SREBF1: variants seen among roughly 807,000 people sequenced by gnomAD.
SREBF1 encodes the protein sterol regulatory element binding transcription factor 1.
SREBF1 carries 45 observed loss-of-function variants against 100.1 expected under a neutral mutation model. That is an observed-to-expected ratio of 0.45 (90% CI 0.35 to 0.58). The LOEUF is 0.58. Ranked by LOEUF, SREBF1 falls within the 20% of genes least tolerant of loss-of-function variation. The pLI is 0.00. For synonymous variants in SREBF1, 657 were observed against 681.8 expected (o/e 0.96, Z 0.57); for missense variants, 1,324 against 1,539.4 (o/e 0.86, Z 2.34).
chr17:17,829,203 AAAATATATATAT>A lies in SREBF1; in HGVS notation c.91+7512_91+7523del, dbSNP rs1428562157. Among the ~76,000 whole-genome samples, 2 of 36,126 alleles carry A rather than the reference AAAATATATATAT, an allele frequency of 5.5e-5. 1 individual carries two copies. Among genetic ancestry groups the A allele is most frequent in the African/African-American group, 2.2e-4 (2 of 9,036 alleles). The allele number at this position is 36,126 out of a possible 152,430, so 23.7% of individuals were successfully genotyped here. ...CGAGACTCCATCTTAAAAAAAAAAAAAAATATATATATATATATATATATATATATATGTATA... is the reference window on the plus strand; with the variant it reads ...CGAGACTCCATCTTAAAAAAAAAAAAATATATATATATATATATATGTATA... On this transcript the variant is annotated intron_variant, in intron 1 of 18. Coordinates refer to ENST00000261646, the MANE Select transcript of SREBF1 (RefSeq NM_004176.5).
chr17:17,819,549 G>T lies in SREBF1; in HGVS notation c.700C>A (p.Gln234Lys). Reference protein sequence around the residue: ...PVTTTVTSQIQQVPVLLQPHF... With the variant: ...PVTTTVTSQIKQVPVLLQPHF... ...CCAGACCCCCTCACCGGGACCTGCTGGATCTGCGAGGTCACAGTGGTCGTT... is the reference window on the plus strand; with the variant it reads ...CCAGACCCCCTCACCGGGACCTGCTTGATCTGCGAGGTCACAGTGGTCGTT... The change falls in exon 3 of 19, where the codon CAG becomes AAG. Residue 234 changes from glutamine to lysine, a missense_variant. By Grantham distance (53) the Gln-to-Lys change is moderately conservative. Coordinates refer to ENST00000261646, the MANE Select transcript of SREBF1 (RefSeq NM_004176.5). 3.7e-6 allele frequency: 6 copies of T among 1,613,708 alleles called. No individual in the cohort carries two copies. Among genetic ancestry groups the T allele is most frequent in the Non-Finnish European group, 4.2e-6 (5 of 1,179,984 alleles).
chr17:17,825,425 G>A (rs2143021906), intron 1 of SREBF1, among the ~76,000 whole-genome samples: 1 of 152,128 alleles, frequency 6.6e-6, no homozygotes, highest in South Asian at 2.1e-4. Flanking sequence ...CTTCCAAGAG[G>A]AGGGGGTGTG....
intron 18 of SREBF1, chr17:17,813,079 C>G (rs1377418082): frequency 1.7e-6 from 1 of 603,316 alleles, no homozygotes; most frequent in African/African-American, 1.9e-5. Flanking sequence ...AGTCACCCCA[C>G]TGATTCCTTG....
chr17:17,817,576 G>A lies in SREBF1; in HGVS notation c.1405-119C>T, dbSNP rs1272158408. 2.0e-6 allele frequency: 3 copies of A among 1,528,190 alleles called. No individual in the cohort carries two copies. Among genetic ancestry groups the A allele is most frequent in the Non-Finnish European group, 2.7e-6 (3 of 1,121,092 alleles). 94.7% of individuals were successfully genotyped at this position (1,528,190 alleles called of 1,614,324 possible). A position where few individuals can be genotyped will look rare whatever the true frequency, so the allele number is the denominator to read the frequency against. ...ACTGTGGGACCCCACGTGGCTCCAG[G>A]CCTCAGTTATTCTGTCTATGAAATG... is the stretch of plus-strand genomic sequence containing the variant. On this transcript the variant is annotated intron_variant, in intron 7 of 18. Transcript: ENST00000261646. This position sits in a 1 kb window ranked among gnomAD's most constrained non-coding sequence, Gnocchi z 6.6.
chr17:17,817,009 G>A lies in SREBF1; in HGVS notation c.1734C>T (p.Pro578=), dbSNP rs142128892. 1.1e-4 allele frequency: 181 copies of A among 1,612,990 alleles called. 1 individual carries two copies. Among genetic ancestry groups the A allele is most frequent in the Middle Eastern group, 1.6e-4 (1 of 6,084 alleles). ...TGCGATGCCTCCAGAAGTACACGGCGGGGCCTGAGTGGGGCCGTGTGACTG... is the reference window on the plus strand; with the variant it reads ...TGCGATGCCTCCAGAAGTACACGGCAGGGCCTGAGTGGGGCCGTGTGACTG... ...GEPVTRPHSG[P]AVYFWRHRKQ... Residue 578 remains proline (P), a synonymous_variant, in exon 9 of 19, where the codon CCC becomes CCT. Transcript: ENST00000261646. This position sits in a 1 kb window ranked among gnomAD's most constrained non-coding sequence, Gnocchi z 6.6.
chr17:17,816,820 C>T, intron 9 of SREBF1, 102 bp from the exon 10 acceptor site: 1 of 1,578,442 alleles, frequency 6.3e-7, no homozygotes, highest in South Asian at 1.1e-5. Context: ...TGGTGGGGGT[C>T]TGCGGATGCG....
At chr17:17,828,464 A>T (rs2034626090) in intron 1 of SREBF1, among the ~76,000 whole-genome samples, 1 of 152,224 alleles carries the variant, frequency 6.6e-6, no homozygotes, top group African/African-American at 2.4e-5. Context: ...CGAGATGGCA[A>T]TTACATGTGA....
chr17:17,814,469 G>GC, intron 15 of SREBF1, 59 bp from the exon 16 acceptor site: 1 of 1,544,238 alleles, frequency 6.5e-7, no homozygotes. Context: ...CTGGCTGAGT[G>GC]CCCCCCACTT....
rs993722224 is a variant in SREBF1 at position 17,815,252 on chromosome 17, T to C, written c.2461A>G (p.Asn821Asp). 1.9e-6 allele frequency: 3 copies of C among 1,613,686 alleles called. No individual in the cohort carries two copies. The highest frequency in any genetic ancestry group is 2.5e-6 in the Non-Finnish European group (3 of 1,180,008). The change falls in exon 13 of 19, where the codon AAC becomes GAC. Residue 821 changes from asparagine to aspartate, a missense_variant. Coordinates refer to ENST00000261646, the MANE Select transcript of SREBF1 (RefSeq NM_004176.5). Reference protein sequence around the residue: ...ERALNCVTQPNPSPGSADGDK... With the variant: ...ERALNCVTQPDPSPGSADGDK... ...CCATCAGCTGACCCAGGGCTGGGGT[T>C]GGGCTGGGTCACACAGTTCAGTGCT...
chr17:17,830,695 C>T (rs1338968280), intron 1 of SREBF1, among the ~76,000 whole-genome samples: 2 of 152,218 alleles, frequency 1.3e-5, no homozygotes, highest in African/African-American at 4.8e-5. Flanking sequence ...GATGGACCCC[C>T]AGCCCCGTCC....
chr17:17,836,908 G>C lies in SREBF1; in HGVS notation c.-91C>G. ...GCCGCCGCGGCCCCGGCTCTCAGTCGCCGCCGCCGCTCCGCGCGTTCGTGT... is the reference window on the plus strand; with the variant it reads ...GCCGCCGCGGCCCCGGCTCTCAGTCCCCGCCGCCGCTCCGCGCGTTCGTGT... On this transcript the variant is annotated 5_prime_UTR_variant, in exon 1 of 19. Transcript: ENST00000261646. The C allele has an allele frequency of 2.5e-6, 3 of 1,202,704 alleles. No individual in the cohort carries two copies. The South Asian group carries it at 5.0e-5, about 20-fold the overall frequency. 74.5% of individuals were successfully genotyped at this position (1,202,704 alleles called of 1,614,324 possible). A position where few individuals can be genotyped will look rare whatever the true frequency, so the allele number is the denominator to read the frequency against.
At chr17:17,823,637 G>T (rs774057745) in intron 1 of SREBF1, 3 of 1,583,646 alleles carry the variant, frequency 1.9e-6, no homozygotes, top group Non-Finnish European at 2.6e-6. Context: ...TTTTGAAGCC[G>T]TTGAGCGCTG....
intron 1 of SREBF1, among the ~76,000 whole-genome samples, chr17:17,834,981 A>AAAACAAAC (rs895966716): frequency 6.6e-6 from 1 of 152,136 alleles, no homozygotes; most frequent in Non-Finnish European, 1.5e-5. Flanking sequence ...GCCACTGCAG[A>AAAACAAAC]AAACAAACAA....
chr17:17,827,160 G>C (rs780222696), intron 1 of SREBF1, among the ~76,000 whole-genome samples: 1 of 152,232 alleles, frequency 6.6e-6, no homozygotes, highest in Non-Finnish European at 1.5e-5. Flanking sequence ...TAGGAGGAGC[G>C]GAGGCAGTGA....
rs71155305 is a variant in SREBF1, at chr17:17,829,205, A to AAT, written c.91+7520_91+7521dup. Among the ~76,000 whole-genome samples, 101 of 65,820 alleles carry AAT rather than the reference A, an allele frequency of 1.5e-3. 2 individuals are homozygous for AAT. The highest frequency in any genetic ancestry group is 2.6e-3 in the African/African-American group (30 of 11,398). 43.2% of individuals were successfully genotyped at this position (65,820 alleles called of 152,430 possible). The stretch of plus-strand genomic sequence containing the variant: ...AGACTCCATCTTAAAAAAAAAAAAA[A>AAT]ATATATATATATATATATATATATA... On this transcript the variant is annotated intron_variant, in intron 1 of 18. Coordinates refer to ENST00000261646, the MANE Select transcript of SREBF1 (RefSeq NM_004176.5).
intron 1 of SREBF1, among the ~76,000 whole-genome samples, chr17:17,836,094 G>A (rs567813810): frequency 6.6e-6 from 1 of 152,352 alleles, no homozygotes; most frequent in South Asian, 2.1e-4. Context: ...TTGGTTTCCC[G>A]GGAGATTTTT....
chr17:17,819,051 T>A lies in SREBF1; in HGVS notation c.1030A>T (p.Ile344Phe). 1 of 1,613,940 alleles carries A rather than the reference T, an allele frequency of 6.2e-7. No homozygotes were observed. The highest frequency in any genetic ancestry group is 1.3e-5 in the African/African-American group (1 of 75,054). ...RYRSSINDKI[I>F]ELKDLVVGTE... is the part of the protein sequence containing the mutation. The stretch of plus-strand genomic sequence containing the variant: ...CCCACCACCAGATCCTTGAGCTCAA[T>A]GATTTTGTCATTGATGGAGGAGCGG... The change falls in exon 5 of 19, where the codon ATT becomes TTT. Residue 344 changes from isoleucine (I) to phenylalanine (F), a missense_variant. Physicochemically the swap from Ile to Phe is conservative, Grantham distance 21. Transcript: ENST00000261646.
intron 9 of SREBF1, 26 bp from the exon 10 acceptor site, chr17:17,816,744 G>C (rs1396167078): frequency 3.2e-6 from 5 of 1,569,386 alleles, no homozygotes; most frequent in Non-Finnish European, 4.3e-6. Flanking sequence ...TTCCAGGTGA[G>C]AAAAGTGAGG....
intron 16 of SREBF1, 98 bp downstream of exon 16, chr17:17,814,147 C>T (rs996661926): frequency 1.4e-6 from 2 of 1,391,538 alleles, no homozygotes; most frequent in African/African-American, 2.8e-5. Context: ...TTGGGCTAAC[C>T]CCATGGTCTT....
Sources: allele counts gnomAD v4.1 joint callset (sites outside exome capture counted in the v4.1 genomes callset), GRCh38; gene constraint gnomAD v4.1.1; non-coding constraint Gnocchi (gnomAD v3.1); transcripts MANE v1.5; gene names NCBI Gene and HGNC (gene_info 2026-07-23, HGNC 2026-07-21).